The following WDR17 variants were observed in gnomAD, a reference collection of about 807,000 sequenced individuals.
WDR17 encodes the protein WD repeat domain 17.
Under a neutral mutation model 161.7 loss-of-function variants are expected in WDR17, and 143 were observed. That is an observed-to-expected ratio of 0.88 (90% CI 0.77 to 1.02). The LOEUF is 1.02. WDR17 is among the 50% of genes least tolerant of loss of function. The pLI is 0.00. For missense variants in WDR17, 1,469 were observed against 1,520.9 expected, an observed-to-expected ratio of 0.97 and a Z score of 0.57; for synonymous variants, 517 against 515.6, an observed-to-expected ratio of 1.00 and a Z score of -0.04.
chr4:176,140,046 T>C, intron 10 of WDR17, 72 bp downstream of exon 10: 2 of 1,302,660 alleles, frequency 1.5e-6, no homozygotes, highest in Non-Finnish European at 2.1e-6. Flanking sequence ...ATTCCAACTG[T>C]GTATCCATGA....
At chr4:176,121,786 CAGAAA>C (rs1741626546) in intron 4 of WDR17, among the ~76,000 whole-genome samples, 1 of 152,110 alleles carries the variant, frequency 6.6e-6, no homozygotes, top group East Asian at 1.9e-4. Context: ...ATAGAAATAA[CAGAAA>C]AGAAAAAAGA....
chr4:176,087,211 T>C (rs1374684113), intron 1 of WDR17, among the ~76,000 whole-genome samples: 1 of 152,074 alleles, frequency 6.6e-6, no homozygotes, highest in African/African-American at 2.4e-5. Flanking sequence ...CCTTATATTT[T>C]TTTTTCTAGA....
Position 176,131,595 on chromosome 4 carries a change from A to G in WDR17, c.955A>G (p.Thr319Ala). ...SPTKNHYTSS[T>A]SEAVPPPTLT... is the part of the protein sequence containing the mutation. ...AACCAAAAATCATTATACATCCTCA[A>G]CAAGCGAAGCAGTTCCACCCCCAAC... Residue 319 changes from threonine (T) to alanine (A), a missense_variant, in exon 7 of 29, where the codon ACA becomes GCA. Coordinates refer to ENST00000508596, the MANE Select transcript of WDR17 (RefSeq NM_181265.4). The G allele has an allele frequency of 1.2e-6, 2 of 1,611,988 alleles. No individual in the cohort carries two copies. The highest frequency in any genetic ancestry group is 1.1e-5 in the South Asian group (1 of 90,796).
intron 24 of WDR17, among the ~76,000 whole-genome samples, chr4:176,172,976 A>G (rs1251038644): frequency 6.6e-6 from 1 of 152,226 alleles, no homozygotes; most frequent in African/African-American, 2.4e-5. Context: ...ACATTTCAAC[A>G]TGAGCTCTAG....
intron 17 of WDR17, among the ~76,000 whole-genome samples, chr4:176,152,257 T>G (rs973232218): frequency 9.2e-5 from 12 of 130,662 alleles, no homozygotes; most frequent in African/African-American, 3.6e-4. Flanking sequence ...ATCGTACCAC[T>G]GCACTCCAGC....
intron 6 of WDR17, 84 bp downstream of exon 6, chr4:176,128,944 T>G: frequency 7.9e-7 from 1 of 1,267,512 alleles, no homozygotes; most frequent in Non-Finnish European, 1.1e-6. Context: ...AGATATCAAA[T>G]ACTATATGCC....
At chr4:176,171,381 A>AG (rs1750715504) in intron 23 of WDR17, among the ~76,000 whole-genome samples, 2 of 152,192 alleles carry the variant, frequency 1.3e-5, no homozygotes, top group African/African-American at 4.8e-5. Context: ...AGCCAAGCAC[A>AG]GTACCTACCC....
At chr4:176,113,915 A>G (rs898654245) in intron 2 of WDR17, among the ~76,000 whole-genome samples, 1 of 152,048 alleles carries the variant, frequency 6.6e-6, no homozygotes, top group Non-Finnish European at 1.5e-5. Flanking sequence ...GTCAATCTCA[A>G]TGTAATTGTA....
chr4:176,099,422 A>T (rs562900428), intron 1 of WDR17, among the ~76,000 whole-genome samples: 2 of 152,152 alleles, frequency 1.3e-5, no homozygotes, highest in Non-Finnish European at 2.9e-5. Context: ...ACGGGAACCC[A>T]GTAATGGGGG....
intron 1 of WDR17, among the ~76,000 whole-genome samples, chr4:176,105,919 C>T (rs893571077): frequency 2.6e-5 from 4 of 151,760 alleles, no homozygotes; most frequent in Non-Finnish European, 4.4e-5. Context: ...ACGAAATTGT[C>T]AAACCTGTAG....
Position 176,179,470 on chromosome 4 carries a change from T to G in WDR17, c.3743T>G (p.Phe1248Cys), listed in dbSNP as rs527783764. ...LTGLKIQGPV[F>C]FLEDGKSAIS... The stretch of plus-strand genomic sequence containing the variant: ...ACTCTCACTGTGCAGGGCCCTGTGT[T>G]TTTCCTTGAAGACGGGAAATCTGCT... The change falls in exon 29 of 29, where the codon TTT becomes TGT. Residue 1248 changes from phenylalanine to cysteine, a missense_variant. Coordinates refer to ENST00000508596, the MANE Select transcript of WDR17 (RefSeq NM_181265.4). The G allele has an allele frequency of 1.3e-6, 2 of 1,599,374 alleles. No individual in the cohort carries two copies. The highest frequency in any genetic ancestry group is 4.5e-5 in the East Asian group (2 of 44,170).
chr4:176,096,649 A>T (rs1347938012), intron 1 of WDR17: 2 of 1,332,890 alleles, frequency 1.5e-6, no homozygotes, highest in East Asian at 4.9e-5. Flanking sequence ...CTTCTCATAT[A>T]GTTTTATATC....
chr4:176,142,143 T>C, intron 11 of WDR17, 74 bp downstream of exon 11: 1 of 1,254,244 alleles, frequency 8.0e-7, no homozygotes, highest in Middle Eastern at 2.2e-4. Flanking sequence ...AGTTTAGTGC[T>C]ATTTCCAAAG....
intron 7 of WDR17, among the ~76,000 whole-genome samples, chr4:176,132,626 C>G (rs1018434308): frequency 3.3e-5 from 5 of 151,802 alleles, no homozygotes; most frequent in African/African-American, 1.2e-4. Context: ...TGATTTATAG[C>G]AAAAATATTT....
chr4:176,087,311 G>A (rs781095928), intron 1 of WDR17, among the ~76,000 whole-genome samples: 4 of 151,656 alleles, frequency 2.6e-5, no homozygotes, highest in Non-Finnish European at 5.9e-5. Context: ...TAAATAATAT[G>A]TTTACTGAAT....
chr4:176,067,830 G>GT (rs1732718896), intron 1 of WDR17, among the ~76,000 whole-genome samples: 1 of 152,170 alleles, frequency 6.6e-6, no homozygotes, highest in African/African-American at 2.4e-5. Context: ...ACTTGGAGAA[G>GT]TTTAAGAACA....
chr4:176,162,033 A>G (rs1425824797), intron 20 of WDR17, 42 bp from the exon 21 acceptor site: 1 of 1,498,166 alleles, frequency 6.7e-7, no homozygotes, highest in South Asian at 1.2e-5. Context: ...TTTATAATGG[A>G]ATACTTGTGT....
At chr4:176,119,174 A>G (rs1045117406) in intron 3 of WDR17, among the ~76,000 whole-genome samples, 39 of 152,182 alleles carry the variant, frequency 2.6e-4, no homozygotes, top group African/African-American at 8.7e-4. Flanking sequence ...TTAACAATTA[A>G]CTTTTATATT....
At chr4:176,073,106 A>G (rs940301481) in intron 1 of WDR17, among the ~76,000 whole-genome samples, 10 of 151,166 alleles carry the variant, frequency 6.6e-5, no homozygotes, top group Non-Finnish European at 1.5e-4. Flanking sequence ...TTTATTTTTT[A>G]TTTTATTATT....
Sources: gnomAD v4.1 joint callset for allele counts (sites outside exome capture counted in the v4.1 genomes callset) on GRCh38, gnomAD v4.1.1 for gene constraint, MANE v1.5 for transcripts, NCBI Gene and HGNC (gene_info 2026-07-23, HGNC 2026-07-21) for gene names.